RBFOX1: variants seen among roughly 807,000 people sequenced by gnomAD.
The protein encoded by RBFOX1 is RNA binding protein fox-1 homolog 1.
In RBFOX1, 8 loss-of-function variants were observed where a neutral mutation model predicts 57.7. That is an observed-to-expected ratio of 0.14 (90% CI 0.08 to 0.25). The LOEUF (loss-of-function observed/expected upper bound fraction) is 0.25. RBFOX1 is among the 10% of genes least tolerant of loss of function. The pLI is 1.00. For missense variants in RBFOX1, 611 were observed against 548.5 expected, an observed-to-expected ratio of 1.11 and a Z score of -1.14; for synonymous variants, 326 against 222.4, an observed-to-expected ratio of 1.47 and a Z score of -4.15.
At chr16:6,620,813 T>A (rs1355984956) in intron 2 of RBFOX1, among the ~76,000 whole-genome samples, 1 of 152,204 alleles carries the variant, frequency 6.6e-6, no homozygotes, top group African/African-American at 2.4e-5. Flanking sequence ...GGAAGAAATT[T>A]GTTTTACTTT....
chr16:6,834,699 C>A (rs1281196483), intron 3 of RBFOX1, among the ~76,000 whole-genome samples: 1 of 152,084 alleles, frequency 6.6e-6, no homozygotes, highest in Non-Finnish European at 1.5e-5. Flanking sequence ...TGTTGTCATG[C>A]TAAGTGATAT....
chr16:7,492,916 T>G (rs145720950), intron 4 of RBFOX1, among the ~76,000 whole-genome samples: 375 of 152,142 alleles, frequency 2.5e-3, no homozygotes, highest in South Asian at 0.012. Flanking sequence ...TTTTGAGACG[T>G]CCCCCAGGCT....
intron 1 of RBFOX1, among the ~76,000 whole-genome samples, chr16:6,094,059 G>A (rs1377937583): frequency 2.0e-5 from 3 of 152,104 alleles, no homozygotes; most frequent in Admixed American, 6.5e-5. Flanking sequence ...AGTGGTCCTC[G>A]ACATGACTTG....
chr16:6,393,928 G>C (rs1462377770), intron 2 of RBFOX1, among the ~76,000 whole-genome samples: 4 of 152,186 alleles, frequency 2.6e-5, no homozygotes, highest in African/African-American at 7.2e-5. Context: ...TCTCTGGAAG[G>C]AAAGAAGAAG....
chr16:7,188,252 C>T (rs900512419), intron 4 of RBFOX1, among the ~76,000 whole-genome samples: 4 of 152,166 alleles, frequency 2.6e-5, no homozygotes, highest in Non-Finnish European at 5.9e-5. Context: ...TAGTCCATGG[C>T]TGCAGAGATG....
At chr16:6,875,547 C>G (rs1452697097) in intron 3 of RBFOX1, among the ~76,000 whole-genome samples, 1 of 152,154 alleles carries the variant, frequency 6.6e-6, no homozygotes, top group Non-Finnish European at 1.5e-5. Context: ...ATGTTTATGT[C>G]TGAAGCAAGG....
chr16:7,671,406 C>T (rs914579276), intron 13 of RBFOX1: 21 of 659,836 alleles, frequency 3.2e-5, no homozygotes, highest in Non-Finnish European at 4.9e-5. Context: ...CCCAGTGCCC[C>T]TTTCAGCTTG....
chr16:7,273,673 T>G (rs2095384618), intron 4 of RBFOX1, among the ~76,000 whole-genome samples: 3 of 152,240 alleles, frequency 2.0e-5, no homozygotes, highest in Admixed American at 2.0e-4. Flanking sequence ...GGAAGCTCTA[T>G]TCTGATGAAA....
intron 3 of RBFOX1, among the ~76,000 whole-genome samples, chr16:6,794,692 C>T (rs74007052): frequency 0.017 from 2,638 of 152,194 alleles, 90 homozygotes; most frequent in African/African-American, 0.06. Flanking sequence ...ATGTATGCAT[C>T]CCAGAATGTT....
intron 4 of RBFOX1, among the ~76,000 whole-genome samples, chr16:5,948,512 C>T (rs760391258): frequency 1.3e-5 from 2 of 152,130 alleles, no homozygotes; most frequent in Non-Finnish European, 2.9e-5. Flanking sequence ...AAGATGAGGT[C>T]ATGCTGGATT....
chr16:7,018,773 A>G (rs2094046523), intron 3 of RBFOX1, among the ~76,000 whole-genome samples: 1 of 134,688 alleles, frequency 7.4e-6, no homozygotes, highest in African/African-American at 2.7e-5. Context: ...CATGTACCCT[A>G]TACCTTAAAG....
At chr16:5,484,846 A>G (rs553806725) in intron 2 of RBFOX1, among the ~76,000 whole-genome samples, 2 of 151,786 alleles carry the variant, frequency 1.3e-5, no homozygotes, top group East Asian at 3.9e-4. Flanking sequence ...AGGGAGCCAG[A>G]GATCGTGTCA....
chr16:5,745,304 G>C (rs1013111582), intron 3 of RBFOX1, among the ~76,000 whole-genome samples: 3 of 152,140 alleles, frequency 2.0e-5, no homozygotes, highest in Admixed American at 6.5e-5. Context: ...AGTATCCCAT[G>C]GTGTATATGT....
At chr16:7,424,713 A>T (rs1382156589) in intron 4 of RBFOX1, among the ~76,000 whole-genome samples, 3 of 152,230 alleles carry the variant, frequency 2.0e-5, no homozygotes, top group African/African-American at 7.2e-5. Context: ...AAGGGGATAC[A>T]ATTTCAGCTT....
At chr16:6,431,218 G>C (rs1332459015) in intron 2 of RBFOX1, among the ~76,000 whole-genome samples, 2 of 152,040 alleles carry the variant, frequency 1.3e-5, no homozygotes, top group African/African-American at 4.8e-5. Context: ...GGGGTAATGG[G>C]TTTAGGAGAA....
intron 4 of RBFOX1, among the ~76,000 whole-genome samples, chr16:5,981,481 A>G (rs973838517): frequency 2.6e-5 from 4 of 151,976 alleles, no homozygotes; most frequent in African/African-American, 7.2e-5. Context: ...TTATTATTTT[A>G]TTTTTGAGAT....
At chr16:5,359,099 A>T (rs1439559808) in intron 1 of RBFOX1, among the ~76,000 whole-genome samples, 1 of 152,250 alleles carries the variant, frequency 6.6e-6, no homozygotes, top group Non-Finnish European at 1.5e-5. Context: ...TTCACTTAGC[A>T]TAGTGACCTC....
intron 2 of RBFOX1, among the ~76,000 whole-genome samples, chr16:5,518,479 T>C (rs535246380): frequency 7.8e-4 from 119 of 152,290 alleles, no homozygotes; most frequent in African/African-American, 2.7e-3. Context: ...AATACAACCA[T>C]ATGTGCTCAA....
rs1328966297 is a variant in RBFOX1, at chr16:5,969,344, C to T, written c.351+102009C>T. ...TTTTTGGTTTGGAAATGGAGTCTCT[C>T]ACTGTCACCCGGGCTGGAGTGCAAT... is the stretch of plus-strand genomic sequence containing the variant. On this transcript the variant is annotated intron_variant, in intron 4 of 19. Coordinates refer to the RBFOX1 transcript ENST00000641259. 5.3e-4 allele frequency among the ~76,000 whole-genome samples: 65 copies of T among 122,820 alleles called. 1 individual carries two copies. The highest frequency in any genetic ancestry group is 1.8e-4 in the Non-Finnish European group (11 of 62,460). The allele number at this position is 122,820 out of a possible 152,430, so 80.6% of individuals were successfully genotyped here.
Sources: allele counts gnomAD v4.1 joint callset (sites outside exome capture counted in the v4.1 genomes callset), GRCh38; gene constraint gnomAD v4.1.1; transcripts MANE v1.5; gene names NCBI Gene and HGNC (gene_info 2026-07-23, HGNC 2026-07-21).